VPS13B: variants seen among roughly 807,000 people sequenced by gnomAD.
VPS13B encodes intermembrane lipid transfer protein VPS13B.
In VPS13B, 285 loss-of-function variants were observed where a neutral mutation model predicts 426.4. The ratio of observed to expected loss-of-function variants is 0.67; its 90% confidence interval spans 0.61 to 0.74. The LOEUF (loss-of-function observed/expected upper bound fraction) is 0.74. Ranked by LOEUF, VPS13B falls within the 30% of genes least tolerant of loss-of-function variation. VPS13B has a pLI of 0.00. For synonymous variants in VPS13B, 1,676 were observed against 1,676.4 expected, an observed-to-expected ratio of 1.00 and a Z score of 0.01; for missense variants, 4,537 against 4,782.6, an observed-to-expected ratio of 0.95 and a Z score of 1.51.
intron 51 of VPS13B, among the ~76,000 whole-genome samples, chr8:99,828,394 G>GTTTT (rs555108452): frequency 0.024 from 412 of 17,428 alleles, 38 homozygotes; most frequent in South Asian, 0.035. Flanking sequence ...TACAACCACC[G>GTTTT]TTTTTTTTTT....
chr8:99,524,789 T>A (rs1440143385), intron 30 of VPS13B, among the ~76,000 whole-genome samples: 1 of 151,986 alleles, frequency 6.6e-6, no homozygotes, highest in Non-Finnish European at 1.5e-5. Context: ...AGAGACCCTA[T>A]CTCCAAAAAC....
intron 22 of VPS13B, among the ~76,000 whole-genome samples, chr8:99,437,976 C>T (rs903474065): frequency 1.3e-5 from 2 of 149,766 alleles, no homozygotes; most frequent in African/African-American, 2.5e-5. Flanking sequence ...TTTTTTTGGT[C>T]ATTTACATCG....
At chr8:99,098,202 G>A (rs944314373) in intron 4 of VPS13B, among the ~76,000 whole-genome samples, 22 of 152,186 alleles carry the variant, frequency 1.4e-4, no homozygotes, top group African/African-American at 5.3e-4. Context: ...GAGCCCTGAA[G>A]TAGCTGCTCC....
intron 15 of VPS13B, among the ~76,000 whole-genome samples, chr8:99,159,817 C>T (rs946648217): frequency 3.3e-5 from 5 of 152,196 alleles, no homozygotes; most frequent in Non-Finnish European, 7.4e-5. Flanking sequence ...CATGCCCATG[C>T]TCAGCTAATT....
At chr8:99,728,967 C>G (rs890160949) in intron 39 of VPS13B, among the ~76,000 whole-genome samples, 5 of 151,802 alleles carry the variant, frequency 3.3e-5, no homozygotes, top group African/African-American at 1.2e-4. Flanking sequence ...TTTCAACAGA[C>G]TTTTTTTTTC....
At chr8:99,182,986 A>G (rs1813023642) in intron 16 of VPS13B, among the ~76,000 whole-genome samples, 1 of 152,012 alleles carries the variant, frequency 6.6e-6, no homozygotes, top group Non-Finnish European at 1.5e-5. Context: ...TGATCCGCCT[A>G]CCTCGGCCTC....
rs1847346139 is a variant in VPS13B at position 99,111,223 on chromosome 8, A to G, written c.706A>G (p.Thr236Ala). 1.9e-6 allele frequency: 3 copies of G among 1,601,194 alleles called. No individual in the cohort carries two copies. The highest frequency in any genetic ancestry group is 2.6e-6 in the Non-Finnish European group (3 of 1,174,926). ...TTTATTATACAAATGTTCCTTCAGA[A>G]CTCGTCTTCATTTTACATATGAAAA... The part of the protein sequence containing the change: ...DPLLYKCSFR[T>A]RLHFTYENLN... The change falls in exon 6 of 62, where the codon ACT (threonine) becomes GCT (alanine). Residue 236 changes from threonine (T) to alanine (A), a missense_variant. Thr to Ala is a moderately conservative substitution (Grantham distance 58). Transcript: ENST00000357162.
At chr8:99,865,455 G>A (rs1041324837) in intron 58 of VPS13B, among the ~76,000 whole-genome samples, 1 of 152,344 alleles carries the variant, frequency 6.6e-6, no homozygotes, top group East Asian at 1.9e-4. Flanking sequence ...GGCACTCTTG[G>A]CTATGCCATC....
At chr8:99,331,595 T>A (rs2133155922) in intron 19 of VPS13B, among the ~76,000 whole-genome samples, 1 of 151,918 alleles carries the variant, frequency 6.6e-6, no homozygotes, top group South Asian at 2.1e-4. Context: ...ATATAACCTG[T>A]AAGGGCCAGT....
intron 31 of VPS13B, among the ~76,000 whole-genome samples, chr8:99,562,378 TCAA>T (rs2133778899): frequency 6.6e-6 from 1 of 152,120 alleles, no homozygotes; most frequent in Non-Finnish European, 1.5e-5. Flanking sequence ...CCTCCTGGGT[TCAA>T]CCCATTTTCC....
At chr8:99,828,419 T>TGC (rs1814848734) in intron 51 of VPS13B, among the ~76,000 whole-genome samples, 1 of 121,248 alleles carries the variant, frequency 8.2e-6, no homozygotes, top group Non-Finnish European at 1.7e-5. Flanking sequence ...TTTTTTTTTT[T>TGC]TTTTTTTTTT....
intron 19 of VPS13B, among the ~76,000 whole-genome samples, chr8:99,335,572 T>C (rs1405821952): frequency 2.6e-5 from 4 of 152,140 alleles, no homozygotes; most frequent in Non-Finnish European, 5.9e-5. Context: ...GGAAGTCAAA[T>C]TGTCCCTGTT....
chr8:99,024,543 T>C (rs1479000870), intron 2 of VPS13B, among the ~76,000 whole-genome samples: 8 of 152,190 alleles, frequency 5.3e-5, no homozygotes, highest in Admixed American at 4.6e-4. Context: ...CATGGCACCA[T>C]TGATTGGAGA....
At chr8:99,833,964 T>C (rs960184348) in intron 52 of VPS13B, among the ~76,000 whole-genome samples, 1 of 152,258 alleles carries the variant, frequency 6.6e-6, no homozygotes, top group African/African-American at 2.4e-5. Flanking sequence ...ATTTATTTTG[T>C]GCTGTCCCAT....
chr8:99,782,899 A>T (rs1812086032), intron 42 of VPS13B, among the ~76,000 whole-genome samples: 1 of 152,148 alleles, frequency 6.6e-6, no homozygotes, highest in Non-Finnish European at 1.5e-5. Flanking sequence ...TCACTTAGCC[A>T]GAAACTCTTT....
intron 9 of VPS13B, 129 bp downstream of exon 9, chr8:99,134,856 T>G: frequency 2.5e-6 from 3 of 1,180,894 alleles, no homozygotes; most frequent in Non-Finnish European, 2.4e-6. Context: ...TTTAATAGAG[T>G]TTACTATCTC....
chr8:99,377,350 A>G (rs1295717709), intron 19 of VPS13B, among the ~76,000 whole-genome samples: 1 of 152,098 alleles, frequency 6.6e-6, no homozygotes, highest in African/African-American at 2.4e-5. Flanking sequence ...CTCTATCTCT[A>G]ACTTCATTTT....
rs572588140 is a variant in VPS13B at position 99,161,906 on chromosome 8, T to C, written c.2208+5163T>C. Among the ~76,000 whole-genome samples, 76 of 152,192 alleles carry C rather than the reference T, an allele frequency of 5.0e-4. 1 individual carries two copies. The highest frequency in any genetic ancestry group is 5.7e-4 in the Non-Finnish European group (39 of 68,012). On this transcript the variant is annotated intron_variant, in intron 15 of 61. Transcript: ENST00000357162. ...CACCACCACACCCAGCTAATTTTTG[T>C]ATTTTTAGTAGAGACAGGGTCTCAC...
In VPS13B at chr8:99,871,603, TC is replaced by T. The variant is rs1212294259; in HGVS notation, c.11655del (p.Val3886SerfsTer31). On this transcript the variant is annotated frameshift_variant, in exon 61 of 62. Coordinates refer to ENST00000357162, the MANE Select transcript of VPS13B (RefSeq NM_152564.5). LOFTEE classifies it high-confidence loss of function. ...SVSEDTQQQA[F>X]PVTEIDCAQD... ...AGTGAGGACACACAGCAGCAGGCCT[TC>T]CCCGTCACAGAAATCGACTGTGCAC... The T allele has an allele frequency of 1.2e-6, 2 of 1,614,160 alleles. No individual in the cohort carries two copies. The highest frequency in any genetic ancestry group is 3.3e-5 in the Admixed American group (2 of 60,016).
Sources: allele counts gnomAD v4.1 joint callset (sites outside exome capture counted in the v4.1 genomes callset), GRCh38; gene constraint gnomAD v4.1.1; transcripts MANE v1.5; gene names NCBI Gene and HGNC (gene_info 2026-07-23, HGNC 2026-07-21).